ATP2B1: variants seen among roughly 807,000 people sequenced by gnomAD.
ATP2B1 encodes the protein plasma membrane calcium-transporting ATPase 1.
In ATP2B1, 14 loss-of-function variants were observed where a neutral mutation model predicts 124.2. That is an observed-to-expected ratio of 0.11 (90% confidence interval 0.07 to 0.18). The LOEUF is 0.18. Ranked by LOEUF, ATP2B1 falls within the 10% of genes least tolerant of loss-of-function variation. ATP2B1 has a pLI of 1.00. For synonymous variants in ATP2B1, 449 were observed against 492.4 expected (o/e 0.91, Z 1.17); for missense variants, 763 against 1,466.1 (o/e 0.52, Z 7.83).
At chr12:89,677,967 TATATACAC>T (rs796181788) in intron 1 of ATP2B1, among the ~76,000 whole-genome samples, 1,540 of 54,374 alleles carry the variant, frequency 0.028, 43 homozygotes, top group East Asian at 0.13. Flanking sequence ...TATATATATA[TATATACAC>T]ACACACACAC....
At chr12:89,631,397 T>C (rs1453275027) in intron 5 of ATP2B1, among the ~76,000 whole-genome samples, 1 of 152,184 alleles carries the variant, frequency 6.6e-6, no homozygotes, top group Non-Finnish European at 1.5e-5. Context: ...AACGTATGTA[T>C]CAATGACAAC....
intron 1 of ATP2B1, among the ~76,000 whole-genome samples, chr12:89,673,099 G>C (rs1888190121): frequency 6.6e-6 from 1 of 152,060 alleles, no homozygotes. Context: ...AATTCCTCTA[G>C]ACTAGACTTC....
chr12:89,674,091 T>G (rs1408988387), intron 1 of ATP2B1, among the ~76,000 whole-genome samples: 3 of 152,180 alleles, frequency 2.0e-5, no homozygotes, highest in Non-Finnish European at 2.9e-5. Flanking sequence ...ATTCAAGGCT[T>G]ATCTGCATGG....
intron 1 of ATP2B1, among the ~76,000 whole-genome samples, chr12:89,699,231 C>G (rs572432904): frequency 6.6e-6 from 1 of 152,184 alleles, no homozygotes; most frequent in Non-Finnish European, 1.5e-5. Flanking sequence ...GGTTTCTCTT[C>G]TCCCTTGTGG....
At chr12:89,627,792 C>T (rs1881134373) in intron 6 of ATP2B1, 76 bp from the exon 7 acceptor site, 2 of 1,454,980 alleles carry the variant, frequency 1.4e-6, no homozygotes, top group Non-Finnish European at 1.9e-6. Flanking sequence ...AGAAGTAGTT[C>T]ACATTTCTAT....
chr12:89,656,670 T>C (rs1367476495), intron 1 of ATP2B1, among the ~76,000 whole-genome samples: 1 of 152,136 alleles, frequency 6.6e-6, no homozygotes, highest in East Asian at 1.9e-4. Context: ...TTTCCTGTAA[T>C]TCTCATTGGC....
At chr12:89,592,855 A>G (rs919117393) in intron 20 of ATP2B1, among the ~76,000 whole-genome samples, 1 of 152,060 alleles carries the variant, frequency 6.6e-6, no homozygotes, top group Non-Finnish European at 1.5e-5. Flanking sequence ...TCTTGTTAAA[A>G]TGCAGATTCT....
chr12:89,610,595 C>G, intron 13 of ATP2B1, 87 bp from the exon 14 acceptor site: 2 of 1,078,708 alleles, frequency 1.9e-6, no homozygotes, highest in Admixed American at 1.8e-5. Context: ...CAGTAGCTCT[C>G]AAAGTGTGGT....
intron 20 of ATP2B1, 51 bp downstream of exon 20, chr12:89,599,066 C>A: frequency 6.3e-7 from 1 of 1,576,620 alleles, no homozygotes; most frequent in South Asian, 1.2e-5. Context: ...CTCCCCAGGT[C>A]AAAAAGCCCT....
chr12:89,599,306 C>T lies in ATP2B1; in HGVS notation c.3169-7G>A, dbSNP rs576466764. 6.2e-7 allele frequency: 1 copy of T among 1,613,050 alleles called. No homozygotes were observed. Among genetic ancestry groups the T allele is most frequent in the African/African-American group, 1.3e-5 (1 of 74,980 alleles). ...TTGGAATTGTTGAAATAAGCTACAA[C>T]ACAGGGGAATGAACTTAGAAATAAA... On this transcript the variant is annotated splice_region_variant and splice_polypyrimidine_tract_variant and intron_variant, in intron 19 of 20. Transcript: ENST00000428670.
intron 1 of ATP2B1, among the ~76,000 whole-genome samples, chr12:89,675,513 T>C (rs1301635470): frequency 6.6e-6 from 1 of 152,186 alleles, no homozygotes; most frequent in Admixed American, 6.5e-5. Flanking sequence ...ATATTAGCAA[T>C]GAGCCTAAGT....
intron 18 of ATP2B1, among the ~76,000 whole-genome samples, chr12:89,602,226 G>A (rs996102776): frequency 6.6e-6 from 1 of 152,030 alleles, no homozygotes; most frequent in African/African-American, 2.4e-5. Context: ...GAGCCCAGGA[G>A]TTCAAGACCA....
chr12:89,647,561 T>G (rs1884652078), intron 2 of ATP2B1, among the ~76,000 whole-genome samples: 1 of 152,180 alleles, frequency 6.6e-6, no homozygotes, highest in Admixed American at 6.5e-5. Context: ...TAACCGACAA[T>G]CACAGCTAAC....
At chr12:89,619,962 A>C in intron 11 of ATP2B1, 37 bp downstream of exon 11, 1 of 1,607,604 alleles carries the variant, frequency 6.2e-7, no homozygotes, top group Non-Finnish European at 8.5e-7. Flanking sequence ...AAGCAACTAT[A>C]GTCAGCAATT....
chr12:89,682,089 C>T (rs1889427216), intron 1 of ATP2B1, among the ~76,000 whole-genome samples: 1 of 152,018 alleles, frequency 6.6e-6, no homozygotes. Context: ...ATATACACAA[C>T]TAATAACCAA....
chr12:89,641,978 C>T (rs1883596850), intron 3 of ATP2B1, 180 bp downstream of exon 3: 2 of 629,548 alleles, frequency 3.2e-6, no homozygotes, highest in Non-Finnish European at 5.4e-6. Flanking sequence ...GGAGGTAACA[C>T]AATCTAATTC....
chr12:89,706,514 AT>A (rs1892473286), intron 1 of ATP2B1, among the ~76,000 whole-genome samples: 1 of 152,142 alleles, frequency 6.6e-6, no homozygotes, highest in African/African-American at 2.4e-5. Context: ...GACCATCAAT[AT>A]TATTATAAAC....
chr12:89,659,854 C>G (rs1458050800), intron 1 of ATP2B1, among the ~76,000 whole-genome samples: 1 of 144,172 alleles, frequency 6.9e-6, no homozygotes, highest in Non-Finnish European at 1.5e-5. Flanking sequence ...ACCCAGGAGG[C>G]AGAGCTTGCA....
intron 1 of ATP2B1, among the ~76,000 whole-genome samples, chr12:89,677,954 T>TTATATATATATATATATATATATATA (rs61256358): frequency 2.9e-5 from 2 of 68,766 alleles, no homozygotes; most frequent in African/African-American, 1.3e-4. Flanking sequence ...CATGCAGGAA[T>TTATATATATATATATATATATATATA]TATATATATA....
Sources: allele counts gnomAD v4.1 joint callset (sites outside exome capture counted in the v4.1 genomes callset), GRCh38; gene constraint gnomAD v4.1.1; transcripts MANE v1.5; gene names NCBI Gene and HGNC (gene_info 2026-07-23, HGNC 2026-07-21).